TTC7A: variants seen among roughly 807,000 people sequenced by gnomAD.
TTC7A encodes tetratricopeptide repeat protein 7A.
In TTC7A, 110 loss-of-function variants were observed where a neutral mutation model predicts 103.7. That is an observed-to-expected ratio of 1.06 (90% CI 0.91 to 1.24). The LOEUF is 1.24. TTC7A is among the 50% of genes most tolerant of loss of function. The pLI, the probability that TTC7A is intolerant of heterozygous loss-of-function variation, is 0.00. For synonymous variants in TTC7A, 521 were observed against 467.9 expected, an observed-to-expected ratio of 1.11 and a Z score of -1.47; for missense variants, 1,340 against 1,116.3, an observed-to-expected ratio of 1.20 and a Z score of -2.86.
intron 1 of TTC7A, among the ~76,000 whole-genome samples, chr2:46,943,807 T>A (rs1323083431): frequency 1.3e-5 from 2 of 152,156 alleles, no homozygotes; most frequent in Non-Finnish European, 2.9e-5. Context: ...GTTACAGAAT[T>A]GGGAGAGGTT....
chr2:47,005,434 A>G (rs750377155), intron 8 of TTC7A, among the ~76,000 whole-genome samples: 9 of 152,168 alleles, frequency 5.9e-5, no homozygotes, highest in African/African-American at 1.9e-4. Context: ...ACTGTTCCAT[A>G]AAACGACTGG....
At chr2:46,935,781 A>G (rs1669947083) in intron 2 of TTC7A, among the ~76,000 whole-genome samples, 1 of 152,086 alleles carries the variant, frequency 6.6e-6, no homozygotes, top group Non-Finnish European at 1.5e-5. Flanking sequence ...ATTGGACCCA[A>G]GCTCCAATTT....
chr2:47,061,021 G>T (rs375253297), intron 19 of TTC7A, 50 bp downstream of exon 19: 6 of 1,518,072 alleles, frequency 4.0e-6, no homozygotes, highest in Middle Eastern at 2.3e-4. Flanking sequence ...CAGCCTCAGG[G>T]CCCTTATCCC....
At chr2:47,066,624 A>T (rs1353980377) in intron 19 of TTC7A, among the ~76,000 whole-genome samples, 2 of 152,188 alleles carry the variant, frequency 1.3e-5, no homozygotes, top group Admixed American at 1.3e-4. Flanking sequence ...GCCCTGCGTT[A>T]TGGGGGCGCT....
Position 47,073,761 on chromosome 2 carries a change from C to A in TTC7A, c.2415C>A (p.Ala805=), listed in dbSNP as rs771372965. The A allele has an allele frequency of 6.2e-7, 1 of 1,613,800 alleles. No individual in the cohort carries two copies. The highest frequency in any genetic ancestry group is 8.5e-7 in the Non-Finnish European group (1 of 1,180,020). The change falls in exon 20 of 20, where the codon GCC becomes GCA. Residue 805 remains alanine, a synonymous_variant. Transcript: ENST00000319190. ...TGGCCCAGAAGGTGCTTCGTGATGC[C>A]GTGGAGAGGCAGAGTACGTGCCACG... The part of the protein sequence containing the change: ...KSLAQKVLRD[A]VERQSTCHEA...
chr2:47,049,204 C>T (rs373068558), intron 16 of TTC7A, among the ~76,000 whole-genome samples: 2 of 152,280 alleles, frequency 1.3e-5, no homozygotes, highest in African/African-American at 4.8e-5. Flanking sequence ...TTTCCCCAGT[C>T]AACAGGGTCA....
chr2:47,018,475 T>C (rs1025298436), intron 11 of TTC7A, among the ~76,000 whole-genome samples: 2 of 151,698 alleles, frequency 1.3e-5, no homozygotes, highest in Admixed American at 6.6e-5. Flanking sequence ...TTCCAGCTAC[T>C]TGGGAGGCTG....
At chr2:47,040,751 A>C (rs1681646925) in intron 15 of TTC7A, among the ~76,000 whole-genome samples, 1 of 152,324 alleles carries the variant, frequency 6.6e-6, no homozygotes, top group Non-Finnish European at 1.5e-5. Context: ...AGGTCATCAC[A>C]GTTCAGCCTG....
chr2:47,066,572 G>A (rs1297570291), intron 19 of TTC7A, among the ~76,000 whole-genome samples: 1 of 152,232 alleles, frequency 6.6e-6, no homozygotes, highest in African/African-American at 2.4e-5. Context: ...CCATCATGGA[G>A]GGTTGGACCA....
At chr2:46,951,053 C>T (rs922390817) in intron 2 of TTC7A, among the ~76,000 whole-genome samples, 5 of 152,174 alleles carry the variant, frequency 3.3e-5, no homozygotes, top group Admixed American at 1.3e-4. Flanking sequence ...CTCAGTGAAC[C>T]TGTGACCTAG....
chr2:47,048,842 A>G (rs1682584874), intron 16 of TTC7A, among the ~76,000 whole-genome samples: 2 of 152,130 alleles, frequency 1.3e-5, no homozygotes, highest in Non-Finnish European at 2.9e-5. Flanking sequence ...CCCTCAGGTG[A>G]TCCTCCTGCC....
intron 1 of TTC7A, among the ~76,000 whole-genome samples, chr2:46,949,840 C>G (rs1389055131): frequency 1.3e-5 from 2 of 152,112 alleles, no homozygotes; most frequent in Non-Finnish European, 2.9e-5. Context: ...CATGCCAGTG[C>G]ACTCCAGCTA....
At position 46,941,495 on chromosome 2, in the gene TTC7A, G is replaced by C; in HGVS notation, c.-47G>C. 3 of 1,537,696 alleles carry C rather than the reference G, an allele frequency of 2.0e-6. No homozygotes were observed. Among genetic ancestry groups the C allele is most frequent in the Non-Finnish European group, 2.6e-6 (3 of 1,141,420 alleles). Reference sequence around the variant, plus strand: ...CCAGCCAGGACGCCGCCCCCGGCCGGGTCTCCACTTCTTGGCCGCACCTTC... The same window carrying C: ...CCAGCCAGGACGCCGCCCCCGGCCGCGTCTCCACTTCTTGGCCGCACCTTC... On this transcript the variant is annotated 5_prime_UTR_variant, in exon 1 of 20. Coordinates refer to ENST00000319190, the MANE Select transcript of TTC7A (RefSeq NM_020458.4). This position sits in a 1 kb window ranked among gnomAD's most constrained non-coding sequence, Gnocchi z 4.2.
At chr2:46,923,889 C>A (rs755139953) in intron 2 of TTC7A, among the ~76,000 whole-genome samples, 15 of 152,160 alleles carry the variant, frequency 9.9e-5, no homozygotes, top group Admixed American at 6.5e-4. Flanking sequence ...CCTGCCACCA[C>A]GCCCAGCTAA....
At chr2:46,942,545 G>T (rs1214807684) in intron 1 of TTC7A, among the ~76,000 whole-genome samples, 1 of 152,222 alleles carries the variant, frequency 6.6e-6, no homozygotes, top group South Asian at 2.1e-4. Flanking sequence ...GATCGTGATA[G>T]TAATAGTAAT....
chr2:47,039,684 T>G (rs1396475370), intron 15 of TTC7A, among the ~76,000 whole-genome samples: 1 of 152,268 alleles, frequency 6.6e-6, no homozygotes, highest in African/African-American at 2.4e-5. Context: ...GTCTTAATCC[T>G]TTTGACAAAT....
In TTC7A at chr2:47,042,702, G is replaced by GTA. The variant is rs58300158; in HGVS notation, c.1803-3605_1803-3604dup. Among the ~76,000 whole-genome samples the GTA allele has an allele frequency of 6.0e-3, 853 of 142,718 alleles. 7 individuals carry two copies. The highest frequency in any genetic ancestry group is 0.021 in the African/African-American group (799 of 37,588). The allele number at this position is 142,718 out of a possible 152,430, so 93.6% of individuals were successfully genotyped here. On this transcript the variant is annotated intron_variant, in intron 15 of 19. Transcript: ENST00000319190. ...TGTGTGTGTGTGTGTGTGTGTGTGT[G>GTA]TATATATATGTATAAAGTAATTAAG...
Position 47,075,279 on chromosome 2 carries a change from A to G in TTC7A, c.*1356A>G, listed in dbSNP as rs949156085. The G allele has an allele frequency of 5.9e-5, 9 of 152,192 alleles. No homozygotes were observed. The highest frequency in any genetic ancestry group is 1.9e-4 in the African/African-American group (8 of 41,448). The allele number at this position is 152,192 out of a possible 1,614,324, so 9.4% of individuals were successfully genotyped here. A position where few individuals can be genotyped will look rare whatever the true frequency, so the allele number is the denominator to read the frequency against. On this transcript the variant is annotated 3_prime_UTR_variant, in exon 20 of 20. Transcript: ENST00000319190. ...GCCTCTTCTTGGTTGAAGGATCTCTATGTATGTGTGTATATAAATATAGTT... is the reference window on the plus strand; with the variant it reads ...GCCTCTTCTTGGTTGAAGGATCTCTGTGTATGTGTGTATATAAATATAGTT...
At chr2:46,985,249 TC>T (rs1674896810) in intron 5 of TTC7A, among the ~76,000 whole-genome samples, 1 of 151,864 alleles carries the variant, frequency 6.6e-6, no homozygotes, top group African/African-American at 2.4e-5. Context: ...GGATCCTGGC[TC>T]CACCCTGCCC....
Sources: gnomAD v4.1 joint callset for allele counts (sites outside exome capture counted in the v4.1 genomes callset) on GRCh38, gnomAD v4.1.1 for gene constraint, Gnocchi (gnomAD v3.1) non-coding constraint, MANE v1.5 for transcripts, NCBI Gene and HGNC (gene_info 2026-07-23, HGNC 2026-07-21) for gene names.